C1QBP: variants seen among roughly 807,000 people sequenced by gnomAD.
The protein encoded by C1QBP is complement C1q binding protein, also known as complement component 1 Q subcomponent-binding protein, mitochondrial.
C1QBP carries 24 observed loss-of-function variants against 29.4 expected under a neutral mutation model. That is an observed-to-expected ratio of 0.82 (90% CI 0.59 to 1.15). The LOEUF is 1.15. C1QBP is among the 50% of genes most tolerant of loss of function. The probability of loss-of-function intolerance (pLI) is 0.00; values close to 1 mark genes in which losing one functional copy is unlikely to be tolerated. For missense variants in C1QBP, 337 were observed against 355.8 expected, an observed-to-expected ratio of 0.95 and a Z score of 0.43; for synonymous variants, 182 against 149.2, an observed-to-expected ratio of 1.22 and a Z score of -1.60.
intron 3 of C1QBP, 151 bp from the exon 4 acceptor site, chr17:5,433,918 A>T: frequency 1.4e-6 from 1 of 698,802 alleles, no homozygotes. Context: ...CCAAATGAAG[A>T]GCTTGATCTC....
Position 5,438,118 on chromosome 17 carries a change from C to T in C1QBP, c.383+5G>A, listed in dbSNP as rs1167426369. The T allele has an allele frequency of 6.2e-7, 1 of 1,611,926 alleles. No individual in the cohort carries two copies. The highest frequency in any genetic ancestry group is 1.7e-5 in the Admixed American group (1 of 60,010). On this transcript the variant is annotated splice_donor_5th_base_variant and intron_variant, in intron 2 of 5. Transcript: ENST00000225698. ...CTGCCCTGGGATCCCCAGACCAGTA[C>T]TTACTTTTCCCCGGCAACTTTCCGC... is the stretch of plus-strand genomic sequence containing the variant.
rs1916359349 is a variant in C1QBP at position 5,439,137 on chromosome 17, C to T, written c.-64G>A. ...AACCCAGGCCTAGGCGCCCCGCGAC[C>T]TGAGGCGCCGCCGGAAGCCCCGCCC... On this transcript the variant is annotated 5_prime_UTR_variant, in exon 1 of 6. Transcript: ENST00000225698. 1.3e-6 allele frequency: 2 copies of T among 1,527,916 alleles called. No homozygotes were observed. The highest frequency in any genetic ancestry group is 1.8e-6 in the Non-Finnish European group (2 of 1,137,400). 94.6% of individuals were successfully genotyped at this position (1,527,916 alleles called of 1,614,324 possible).
chr17:5,434,844 G>C, intron 3 of C1QBP, 29 bp downstream of exon 3: 2 of 1,585,874 alleles, frequency 1.3e-6, no homozygotes, highest in Non-Finnish European at 1.7e-6. Flanking sequence ...TCAGAACTGA[G>C]GTAAAAGCTG....
At chr17:5,438,298 A>G in intron 1 of C1QBP, 25 bp from the exon 2 acceptor site, 1 of 1,609,404 alleles carries the variant, frequency 6.2e-7, no homozygotes, top group Non-Finnish European at 8.5e-7. Flanking sequence ...CAGATACATA[A>G]AAAGGAAAGC....
Position 5,439,002 on chromosome 17 carries a change from G to T in C1QBP, c.72C>A (p.Pro24=), listed in dbSNP as rs1472890944. The T allele has an allele frequency of 1.3e-6, 2 of 1,484,236 alleles. No homozygotes were observed. The highest frequency in any genetic ancestry group is 2.7e-5 in the South Asian group (2 of 74,614). The allele number at this position is 1,484,236 out of a possible 1,614,324, so 91.9% of individuals were successfully genotyped here. The change falls in exon 1 of 6, where the codon CCC becomes CCA. Residue 24 remains proline (P), a synonymous_variant. Coordinates refer to ENST00000225698, the MANE Select transcript of C1QBP (RefSeq NM_001212.4). The part of the protein sequence containing the change: ...SSVAGLRAAA[P]ASPFRQLLQP... ...GCAGGAGCTGCCGGAAAGGCGAGGC[G>T]GGCGCGGCAGCGCGGAGGCCGGCGA...
chr17:5,435,556 A>T (rs1916246637), intron 2 of C1QBP, among the ~76,000 whole-genome samples: 1 of 152,134 alleles, frequency 6.6e-6, no homozygotes, highest in Admixed American at 6.5e-5. Flanking sequence ...CCCTTAGAGT[A>T]CTTGTGGGAA....
chr17:5,432,953 A>G lies in C1QBP; in HGVS notation c.*62T>C. On this transcript the variant is annotated 3_prime_UTR_variant, in exon 6 of 6. Coordinates refer to ENST00000225698, the MANE Select transcript of C1QBP (RefSeq NM_001212.4). ...TTTCAAAGCACATGTCTAGCTTCAG[A>G]GTAGGATTTGTTCACTGGCCAAAGC... 6.5e-7 allele frequency: 1 copy of G among 1,535,156 alleles called. No homozygotes were observed. The highest frequency in any genetic ancestry group is 8.8e-7 in the Non-Finnish European group (1 of 1,136,312).
chr17:5,434,974 G>C lies in C1QBP; in HGVS notation c.384-8C>G, dbSNP rs368768342. ...TTGAAAGTGACCGTGATTCTAAAAC[G>C]GCAAGGGAAAACAGACAAGGCAAAA... On this transcript the variant is annotated splice_region_variant and splice_polypyrimidine_tract_variant and intron_variant, in intron 2 of 5. Transcript: ENST00000225698. The C allele has an allele frequency of 3.7e-4, 602 of 1,612,144 alleles. 7 individuals carry two copies. In the South Asian group the frequency reaches 5.7e-3, roughly 15 times the overall value.
chr17:5,437,903 C>T (rs750409315), intron 2 of C1QBP, among the ~76,000 whole-genome samples: 1 of 152,204 alleles, frequency 6.6e-6, no homozygotes, highest in Non-Finnish European at 1.5e-5. Flanking sequence ...CTTTTTTGCA[C>T]TACATTTTTG....
chr17:5,438,822 C>T lies in C1QBP; in HGVS notation c.232+20G>A, dbSNP rs1437556779. 5.2e-6 allele frequency: 8 copies of T among 1,547,440 alleles called. No homozygotes were observed. The highest frequency in any genetic ancestry group is 2.0e-4 in the Middle Eastern group (1 of 4,906). On this transcript the variant is annotated intron_variant, in intron 1 of 5. Coordinates refer to ENST00000225698, the MANE Select transcript of C1QBP (RefSeq NM_001212.4). Reference sequence around the variant, plus strand: ...CCCTCTGTTGAACGCAAACCACACCCCCGGCCCGCTAAACCTCACCGTCGG... The same window carrying T: ...CCCTCTGTTGAACGCAAACCACACCTCCGGCCCGCTAAACCTCACCGTCGG...
Position 5,433,046 on chromosome 17 carries a change from T to C in C1QBP, c.818A>G (p.Glu273Gly), listed in dbSNP as rs1370788590. 6.2e-7 allele frequency: 1 copy of C among 1,613,668 alleles called. No homozygotes were observed. The highest frequency in any genetic ancestry group is 1.7e-5 in the Admixed American group (1 of 59,870). Residue 273 changes from glutamate (E) to glycine (G), a missense_variant, in exon 6 of 6, where the codon GAA becomes GGA. Glu to Gly is a moderately conservative substitution (Grantham distance 98). Transcript: ENST00000225698. ...LEHQEYITFL[E>G]DLKSFVKSQ ...GCTCTTGACAAAACTCTTGAGGTCT[T>C]CAAGAAAAGTAATGTACTCCTGGTG...
chr17:5,435,779 C>T (rs1426347339), intron 2 of C1QBP, among the ~76,000 whole-genome samples: 1 of 150,864 alleles, frequency 6.6e-6, no homozygotes, highest in Admixed American at 6.6e-5. Context: ...CCTGTAATCC[C>T]AGCACTTTGG....
intron 2 of C1QBP, among the ~76,000 whole-genome samples, chr17:5,436,236 T>C (rs1916268929): frequency 6.6e-6 from 1 of 151,062 alleles, no homozygotes; most frequent in Admixed American, 6.6e-5. Context: ...CAGAGCATTA[T>C]TTTTAATGGC....
At chr17:5,435,007 G>A (rs1328727324) in intron 2 of C1QBP, 41 bp from the exon 3 acceptor site, 1 of 1,280,774 alleles carries the variant, frequency 7.8e-7, no homozygotes, top group Admixed American at 2.1e-5. Flanking sequence ...AAACAGACAA[G>A]GCATGGTTTT....
chr17:5,436,757 C>A (rs902462096), intron 2 of C1QBP, among the ~76,000 whole-genome samples: 2 of 152,124 alleles, frequency 1.3e-5, no homozygotes, highest in Non-Finnish European at 2.9e-5. Context: ...GGGTGGCTCA[C>A]ACCTGAAATC....
Position 5,439,127 on chromosome 17 carries a change from G to A in C1QBP, c.-54C>T, listed in dbSNP as rs1451550922. The A allele has an allele frequency of 3.4e-5, 52 of 1,532,032 alleles. No individual in the cohort carries two copies. The highest frequency in any genetic ancestry group is 4.2e-5 in the Non-Finnish European group (48 of 1,139,660). The allele number at this position is 1,532,032 out of a possible 1,614,324, so 94.9% of individuals were successfully genotyped here. ...TGCAAAGGACAACCCAGGCCTAGGCGCCCCGCGACCTGAGGCGCCGCCGGA... is the reference window on the plus strand; with the variant it reads ...TGCAAAGGACAACCCAGGCCTAGGCACCCCGCGACCTGAGGCGCCGCCGGA... On this transcript the variant is annotated 5_prime_UTR_variant, in exon 1 of 6. Transcript: ENST00000225698.
rs1047931223 is a variant in C1QBP at position 5,432,929 on chromosome 17, T to C, written c.*86A>G. 4 of 1,451,400 alleles carry C rather than the reference T, an allele frequency of 2.8e-6. No homozygotes were observed. In the African/African-American group the frequency reaches 5.7e-5, roughly 21 times the overall value. The allele number at this position is 1,451,400 out of a possible 1,614,324, so 89.9% of individuals were successfully genotyped here. A position where few individuals can be genotyped will look rare whatever the true frequency, so the allele number is the denominator to read the frequency against. Reference sequence around the variant, plus strand: ...CCCATGATATTAGGATGATAATCATTTCAAAGCACATGTCTAGCTTCAGAG... The same window carrying C: ...CCCATGATATTAGGATGATAATCATCTCAAAGCACATGTCTAGCTTCAGAG... On this transcript the variant is annotated 3_prime_UTR_variant, in exon 6 of 6. Transcript: ENST00000225698.
chr17:5,435,344 C>T lies in C1QBP; in HGVS notation c.384-378G>A, dbSNP rs41307950. ...CTGACACTGCCCACCCTGGTCTTTC[C>T]AGGGAACCCTTGGTCAAAGTAAGGA... On this transcript the variant is annotated intron_variant, in intron 2 of 5. Transcript: ENST00000225698. Among the ~76,000 whole-genome samples the T allele has an allele frequency of 5.1e-3, 782 of 152,272 alleles. 9 individuals are homozygous for T. The highest frequency in any genetic ancestry group is 0.018 in the African/African-American group (740 of 41,554).
rs1916143593 is a variant in C1QBP, at chr17:5,433,157, T to C, written c.707A>G (p.Tyr236Cys). ...GGCAAGGAAATCCATTAGGTGGTCA[T>C]ATAAGGCCTGCAAAGAACAATATTT... ...LNTDSLDWAL[Y>C]DHLMDFLADR... is the part of the protein sequence containing the mutation. Residue 236 changes from tyrosine (Y) to cysteine (C), a missense_variant, in exon 6 of 6, where the codon TAT becomes TGT. By Grantham distance (194) the Tyr-to-Cys change is radical. Transcript: ENST00000225698. 1.9e-6 allele frequency: 3 copies of C among 1,612,770 alleles called. No homozygotes were observed. In the African/African-American group the frequency reaches 4.0e-5, roughly 22 times the overall value.
Sources: gnomAD v4.1 joint callset for allele counts (sites outside exome capture counted in the v4.1 genomes callset) on GRCh38, gnomAD v4.1.1 for gene constraint, MANE v1.5 for transcripts, NCBI Gene and HGNC (gene_info 2026-07-23, HGNC 2026-07-21) for gene names.